CDH13: variants seen among roughly 807,000 people sequenced by gnomAD.
CDH13 encodes the protein cadherin 13.
In CDH13, 24 loss-of-function variants were observed where a neutral mutation model predicts 63.8. That is an observed-to-expected ratio of 0.38 (90% CI 0.27 to 0.53). The LOEUF (loss-of-function observed/expected upper bound fraction) is 0.53, where lower values mean the gene tolerates loss of function less well. CDH13 is among the 20% of genes least tolerant of loss of function. CDH13 has a pLI of 0.85. For synonymous variants in CDH13, 503 were observed against 355.3 expected (o/e 1.42, Z -4.67); for missense variants, 1,049 against 903.1 (o/e 1.16, Z -2.07).
Position 82,729,465 on chromosome 16 carries a change from A to G in CDH13, c.45+102328A>G, listed in dbSNP as rs2033281151. On this transcript the variant is annotated intron_variant, in intron 1 of 13. Transcript: ENST00000567109. ...TCTTGGGTGACCAGCTGCATTGTCA[A>G]TAGGCAGTGATATTTTGGAAGGAAT... 3.3e-5 allele frequency among the ~76,000 whole-genome samples: 5 copies of G among 152,182 alleles called. No homozygotes were observed. In the South Asian group the frequency reaches 1.0e-3, roughly 32 times the overall value.
intron 2 of CDH13, among the ~76,000 whole-genome samples, chr16:82,871,448 A>T (rs2040338499): frequency 6.6e-6 from 1 of 152,176 alleles, no homozygotes; most frequent in Non-Finnish European, 1.5e-5. Context: ...AACATGAAAT[A>T]AGTGAAAGGA....
intron 6 of CDH13, among the ~76,000 whole-genome samples, chr16:83,442,990 A>G (rs184785001): frequency 6.6e-6 from 1 of 152,218 alleles, no homozygotes; most frequent in Admixed American, 6.5e-5. Context: ...ATTTAGTGAG[A>G]TTGAACTCTC....
chr16:82,865,664 G>C (rs2040106824), intron 2 of CDH13, among the ~76,000 whole-genome samples: 1 of 152,234 alleles, frequency 6.6e-6, no homozygotes, highest in Admixed American at 6.5e-5. Flanking sequence ...GGGAAGGGCT[G>C]CCTTGAAGAC....
chr16:83,311,089 C>G (rs895158731), intron 5 of CDH13, among the ~76,000 whole-genome samples: 1 of 152,224 alleles, frequency 6.6e-6, no homozygotes, highest in African/African-American at 2.4e-5. Flanking sequence ...TCCTGCTCCT[C>G]TGACGTCTCG....
intron 5 of CDH13, among the ~76,000 whole-genome samples, chr16:83,339,339 C>G (rs1291535819): frequency 6.6e-6 from 1 of 152,110 alleles, no homozygotes; most frequent in Non-Finnish European, 1.5e-5. Context: ...GCTCAAAAAT[C>G]CTTGCCTCCA....
At chr16:83,548,407 T>G (rs981569324) in intron 7 of CDH13, among the ~76,000 whole-genome samples, 1 of 152,104 alleles carries the variant, frequency 6.6e-6, no homozygotes, top group Non-Finnish European at 1.5e-5. Context: ...TATCCTACAA[T>G]GCAAAGGGCA....
chr16:83,779,405 TCAAAAAAAAAAAAAAA>T (rs1430879473), intron 11 of CDH13, among the ~76,000 whole-genome samples: 14 of 67,810 alleles, frequency 2.1e-4, no homozygotes, highest in East Asian at 4.7e-4. Flanking sequence ...AGACTCCATC[TCAAAAAAAAAAAAAAA>T]AAAAAAAAAA....
chr16:83,231,254 C>T (rs74034437), intron 5 of CDH13, among the ~76,000 whole-genome samples: 15,216 of 152,178 alleles, frequency 0.1, 2,185 homozygotes, highest in African/African-American at 0.32. Flanking sequence ...CATGGCATGC[C>T]GGTACCCTGG....
At chr16:82,973,932 G>T (rs551458011) in intron 2 of CDH13, among the ~76,000 whole-genome samples, 236 of 151,608 alleles carry the variant, frequency 1.6e-3, no homozygotes, top group Middle Eastern at 0.01. Flanking sequence ...TTGGTTTTTG[G>T]TTTTTTTTGA....
At chr16:82,783,093 G>C (rs769737320) in intron 1 of CDH13, among the ~76,000 whole-genome samples, 1 of 152,200 alleles carries the variant, frequency 6.6e-6, no homozygotes, top group Non-Finnish European at 1.5e-5. Context: ...GTGGCTCAAT[G>C]TGAGCAAACG....
In CDH13 at chr16:83,394,863, A is replaced by G. The variant is rs75600818; in HGVS notation, c.781+49857A>G. On this transcript the variant is annotated intron_variant, in intron 6 of 13. Transcript: ENST00000567109. ...GGTTCAAGAGAAAGAAAAGTCAAGG[A>G]AGGGCCAGGCACAGTGGCTCATGCC... 1.0e-3 allele frequency among the ~76,000 whole-genome samples: 154 copies of G among 152,152 alleles called. 1 individual carries two copies. The East Asian group carries it at 0.026, about 26-fold the overall frequency.
chr16:83,687,272 G>A (rs1055903591), intron 10 of CDH13, among the ~76,000 whole-genome samples: 3 of 152,122 alleles, frequency 2.0e-5, no homozygotes, highest in Non-Finnish European at 4.4e-5. Flanking sequence ...ACACAGAAAT[G>A]CCTGAGACTG....
chr16:83,075,339 T>C (rs2032756486), intron 3 of CDH13, among the ~76,000 whole-genome samples: 1 of 152,330 alleles, frequency 6.6e-6, no homozygotes, highest in Non-Finnish European at 1.5e-5. Context: ...CTTGTGACAA[T>C]GGCATGACCA....
intron 1 of CDH13, among the ~76,000 whole-genome samples, chr16:82,656,312 CGTGT>C (rs111540944): frequency 2.5e-4 from 36 of 146,554 alleles, no homozygotes; most frequent in East Asian, 1.4e-3. Context: ...GAATGGTGTG[CGTGT>C]GTGTGTGTGT....
intron 6 of CDH13, among the ~76,000 whole-genome samples, chr16:83,345,375 C>G (rs1389914112): frequency 2.0e-5 from 3 of 152,156 alleles, no homozygotes. Flanking sequence ...ATTACAAACT[C>G]CTCAGTTCTT....
chr16:82,957,513 AT>A, intron 2 of CDH13, among the ~76,000 whole-genome samples: 1 of 152,292 alleles, frequency 6.6e-6, no homozygotes, highest in African/African-American at 2.4e-5. Context: ...AAATGATAAA[AT>A]TTAGAGAAGT....
chr16:83,411,235 C>G (rs1191624018), intron 6 of CDH13, among the ~76,000 whole-genome samples: 2 of 152,208 alleles, frequency 1.3e-5, no homozygotes. Context: ...CCTTGTTATT[C>G]AGGTCTTACC....
At chr16:83,695,036 G>A (rs975950329) in intron 10 of CDH13, among the ~76,000 whole-genome samples, 12 of 152,076 alleles carry the variant, frequency 7.9e-5, no homozygotes, top group South Asian at 4.1e-4. Context: ...ATGAAACCCC[G>A]TCTCTATTAA....
intron 5 of CDH13, among the ~76,000 whole-genome samples, chr16:83,225,488 G>A (rs957378231): frequency 7.2e-5 from 11 of 152,134 alleles, no homozygotes; most frequent in East Asian, 5.8e-4. Flanking sequence ...ATGTTACTGC[G>A]TGTTTGCTTG....
Sources: gnomAD v4.1 joint callset for allele counts (sites outside exome capture counted in the v4.1 genomes callset) on GRCh38, gnomAD v4.1.1 for gene constraint, MANE v1.5 for transcripts, NCBI Gene and HGNC (gene_info 2026-07-23, HGNC 2026-07-21) for gene names.